The following ATRNL1 variants were observed in gnomAD, a reference collection of about 807,000 sequenced individuals.
The protein encoded by ATRNL1 is attractin-like protein 1.
ATRNL1 carries 95 observed loss-of-function variants against 182.7 expected under a neutral mutation model. The observed-to-expected ratio is 0.52, with a 90% CI of 0.44 to 0.62. The LOEUF (loss-of-function observed/expected upper bound fraction) is 0.62. Ranked by LOEUF, ATRNL1 falls within the 20% of genes least tolerant of loss-of-function variation. The pLI is 0.00. For missense variants in ATRNL1, 1,471 were observed against 1,679.5 expected, an observed-to-expected ratio of 0.88 and a Z score of 2.17; for synonymous variants, 576 against 568.3, an observed-to-expected ratio of 1.01 and a Z score of -0.19.
intron 26 of ATRNL1, among the ~76,000 whole-genome samples, chr10:115,577,137 A>G (rs1431477918): frequency 1.3e-5 from 2 of 151,784 alleles, no homozygotes; most frequent in African/African-American, 4.8e-5. Flanking sequence ...CTGGTTTTGT[A>G]ATATAATTTG....
intron 28 of ATRNL1, among the ~76,000 whole-genome samples, chr10:115,912,415 T>TATA (rs1555116157): frequency 2.8e-5 from 2 of 72,624 alleles, no homozygotes; most frequent in African/African-American, 3.7e-5. Context: ...TATATATATA[T>TATA]TTGTGTGTGT....
At chr10:115,407,256 G>A (rs752667081) in intron 20 of ATRNL1, among the ~76,000 whole-genome samples, 1 of 151,932 alleles carries the variant, frequency 6.6e-6, no homozygotes, top group Non-Finnish European at 1.5e-5. Context: ...TCTTTCCAGC[G>A]ATTTGAGCTA....
At chr10:115,767,695 C>T (rs544705640) in intron 27 of ATRNL1, among the ~76,000 whole-genome samples, 6 of 152,250 alleles carry the variant, frequency 3.9e-5, no homozygotes, top group Admixed American at 2.0e-4. Context: ...ACTTTCAAGA[C>T]GTCTATCATC....
At chr10:115,480,312 C>T (rs1848709236) in intron 24 of ATRNL1, among the ~76,000 whole-genome samples, 1 of 150,822 alleles carries the variant, frequency 6.6e-6, no homozygotes, top group Non-Finnish European at 1.5e-5. Flanking sequence ...AAGTGGCTAT[C>T]ATAAAAATGT....
intron 26 of ATRNL1, among the ~76,000 whole-genome samples, chr10:115,571,348 T>G (rs1358594607): frequency 1.3e-5 from 2 of 152,216 alleles, no homozygotes; most frequent in Non-Finnish European, 2.9e-5. Flanking sequence ...GCCACACATT[T>G]AAATATTTGC....
At chr10:115,680,314 C>T (rs1294421096) in intron 26 of ATRNL1, among the ~76,000 whole-genome samples, 2 of 152,106 alleles carry the variant, frequency 1.3e-5, no homozygotes, top group Non-Finnish European at 1.5e-5. Flanking sequence ...CCTAGGCTAA[C>T]AGAAGAGCCA....
chr10:115,490,429 C>CT (rs1359195628), intron 24 of ATRNL1, among the ~76,000 whole-genome samples: 1 of 152,014 alleles, frequency 6.6e-6, no homozygotes, highest in Admixed American at 6.6e-5. Flanking sequence ...TCTTTTTACT[C>CT]TTTTTTCTCT....
At chr10:115,443,500 A>C (rs1846802406) in intron 21 of ATRNL1, among the ~76,000 whole-genome samples, 1 of 151,588 alleles carries the variant, frequency 6.6e-6, no homozygotes, top group African/African-American at 2.4e-5. Flanking sequence ...ATACCATTTT[A>C]ATTTTTTATT....
At chr10:115,166,085 C>T (rs1477698761) in intron 7 of ATRNL1, among the ~76,000 whole-genome samples, 1 of 152,084 alleles carries the variant, frequency 6.6e-6, no homozygotes, top group African/African-American at 2.4e-5. Flanking sequence ...CCTCTTGAAA[C>T]CACCAATCTA....
intron 27 of ATRNL1, among the ~76,000 whole-genome samples, chr10:115,845,975 G>A (rs1950918444): frequency 6.6e-6 from 1 of 151,840 alleles, no homozygotes; most frequent in Non-Finnish European, 1.5e-5. Context: ...ACATTTCATA[G>A]TATTTTTCTT....
intron 26 of ATRNL1, among the ~76,000 whole-genome samples, chr10:115,682,927 G>A (rs1555045173): frequency 6.6e-6 from 1 of 152,116 alleles, no homozygotes; most frequent in Admixed American, 6.6e-5. Flanking sequence ...TTTGAATTCT[G>A]GTTCTGCCTT....
chr10:115,142,828 T>C (rs572533725), intron 5 of ATRNL1, among the ~76,000 whole-genome samples: 83 of 152,210 alleles, frequency 5.5e-4, no homozygotes, highest in Non-Finnish European at 9.0e-4. Flanking sequence ...GATTTGCTGA[T>C]GGTCTAGATG....
At chr10:115,420,844 A>G (rs782599216) in intron 20 of ATRNL1, among the ~76,000 whole-genome samples, 1 of 152,166 alleles carries the variant, frequency 6.6e-6, no homozygotes, top group Non-Finnish European at 1.5e-5. Flanking sequence ...AAATGAATAA[A>G]ATCAAAGATG....
At chr10:115,201,169 A>G (rs1277124310) in intron 8 of ATRNL1, among the ~76,000 whole-genome samples, 1 of 145,390 alleles carries the variant, frequency 6.9e-6, no homozygotes, top group Non-Finnish European at 1.5e-5. Context: ...ATTTTCTCCC[A>G]TTTTATAGGT....
chr10:115,416,830 G>A (rs1352334439), intron 20 of ATRNL1, among the ~76,000 whole-genome samples: 1 of 152,150 alleles, frequency 6.6e-6, no homozygotes, highest in Non-Finnish European at 1.5e-5. Context: ...TTTCATATTA[G>A]AGAAATGAGT....
chr10:115,215,358 T>C (rs1024235285), intron 8 of ATRNL1, among the ~76,000 whole-genome samples: 4 of 152,190 alleles, frequency 2.6e-5, no homozygotes, highest in African/African-American at 7.2e-5. Flanking sequence ...AACTGTCACA[T>C]AGTAGGCTCT....
chr10:115,228,768 T>TC (rs1231940084), intron 9 of ATRNL1, among the ~76,000 whole-genome samples: 3 of 146,446 alleles, frequency 2.0e-5, no homozygotes, highest in Non-Finnish European at 4.5e-5. Flanking sequence ...CTTTCTTTCT[T>TC]TTTTTTTTTT....
rs782620826 is a variant in ATRNL1 at position 115,127,649 on chromosome 10, C to T, written c.548C>T (p.Thr183Ile). The T allele has an allele frequency of 6.9e-6, 11 of 1,604,008 alleles. No homozygotes were observed. Among genetic ancestry groups the T allele is most frequent in the Middle Eastern group, 1.7e-4 (1 of 6,028 alleles). The change falls in exon 4 of 29, where the codon ACA (threonine) becomes ATA (isoleucine). Residue 183 changes from threonine to isoleucine, a missense_variant. Thr to Ile is a moderately conservative substitution (Grantham distance 89). Transcript: ENST00000355044. ...GAAACTGTGCCTGAAGTTGTTACTA[C>T]ATCTGGCTATGCACTGTTACATTTT... ...GNETVPEVVTTSGYALLHFFS... is the reference protein window; with the variant it reads ...GNETVPEVVTISGYALLHFFS...
chr10:115,670,031 G>A (rs75687699), intron 26 of ATRNL1, among the ~76,000 whole-genome samples: 1 of 152,060 alleles, frequency 6.6e-6, no homozygotes, highest in Non-Finnish European at 1.5e-5. Context: ...AATACTTTGA[G>A]AGGGATTATA....
Sources: allele counts gnomAD v4.1 joint callset (sites outside exome capture counted in the v4.1 genomes callset), GRCh38; gene constraint gnomAD v4.1.1; transcripts MANE v1.5; gene names NCBI Gene and HGNC (gene_info 2026-07-23, HGNC 2026-07-21).